The following WDR64 variants were observed in gnomAD, a reference collection of about 807,000 sequenced individuals.
WDR64 encodes WD repeat-containing protein 64.
In WDR64, 112 loss-of-function variants were observed where a neutral mutation model predicts 139.3. That is an observed-to-expected ratio of 0.80 (90% CI 0.69 to 0.94). The LOEUF (loss-of-function observed/expected upper bound fraction) is 0.94, where lower values mean the gene tolerates loss of function less well. WDR64 is among the 40% of genes least tolerant of loss of function. WDR64 has a pLI of 0.00. For missense variants in WDR64, 1,206 were observed against 1,293.1 expected, an observed-to-expected ratio of 0.93 and a Z score of 1.03; for synonymous variants, 444 against 437.7, an observed-to-expected ratio of 1.01 and a Z score of -0.18.
chr1:241,762,825 C>T (rs1198305991), intron 15 of WDR64, among the ~76,000 whole-genome samples: 2 of 149,742 alleles, frequency 1.3e-5, no homozygotes, highest in East Asian at 3.9e-4. Flanking sequence ...AATTTGGAAA[C>T]AATTATTTTG....
intron 15 of WDR64, among the ~76,000 whole-genome samples, chr1:241,764,615 T>C (rs1450024868): frequency 6.6e-6 from 1 of 151,500 alleles, no homozygotes; most frequent in Non-Finnish European, 1.5e-5. Context: ...GAGCTATGAT[T>C]GCACCACTGC....
chr1:241,732,036 T>C (rs994224134), intron 10 of WDR64, among the ~76,000 whole-genome samples: 17 of 152,174 alleles, frequency 1.1e-4, no homozygotes, highest in Non-Finnish European at 2.9e-5. Flanking sequence ...TCAGGCTCCT[T>C]AAGGTAAAAT....
intron 20 of WDR64, among the ~76,000 whole-genome samples, chr1:241,773,408 T>C (rs943758729): frequency 1.3e-5 from 2 of 152,212 alleles, no homozygotes; most frequent in Admixed American, 6.5e-5. Flanking sequence ...GAAGATTTAC[T>C]AGAAAAATCT....
At chr1:241,712,824 A>G (rs1356356406) in intron 9 of WDR64, among the ~76,000 whole-genome samples, 1 of 151,956 alleles carries the variant, frequency 6.6e-6, no homozygotes, top group Non-Finnish European at 1.5e-5. Context: ...CAGCTACTCA[A>G]GAGGCTGAGG....
rs7550445 is a variant in WDR64, at chr1:241,802,591, T to C, written c.*1376T>C. Among the ~76,000 whole-genome samples, 314 of 152,334 alleles carry C rather than the reference T, an allele frequency of 2.1e-3. 1 individual carries two copies. The highest frequency in any genetic ancestry group is 6.5e-3 in the African/African-American group (271 of 41,576). ...AATTGTAAACTAATATTCTCATTGA[T>C]ATGCATGCTAATAGGATTACTAGTG... On this transcript the variant is annotated 3_prime_UTR_variant, in exon 28 of 28. Coordinates refer to ENST00000437684, the MANE Select transcript of WDR64 (RefSeq NM_001367482.1).
intron 8 of WDR64, among the ~76,000 whole-genome samples, chr1:241,699,854 C>T (rs1438677926): frequency 6.6e-6 from 1 of 152,092 alleles, no homozygotes. Context: ...GACCTGCATA[C>T]CATGCTAAAG....
chr1:241,790,953 C>CGTATTCCTTAGCTTT (rs1659198884), intron 25 of WDR64, among the ~76,000 whole-genome samples: 2 of 152,006 alleles, frequency 1.3e-5, no homozygotes, highest in Non-Finnish European at 2.9e-5. Flanking sequence ...GAGAGAAGAC[C>CGTATTCCTTAGCTTT]GTATTCCTTA....
intron 8 of WDR64, among the ~76,000 whole-genome samples, chr1:241,710,836 G>A (rs145726031): frequency 0.011 from 1,726 of 152,312 alleles, 21 homozygotes; most frequent in Non-Finnish European, 0.019. Flanking sequence ...GAGCACCAGG[G>A]AGCCACAGGA....
chr1:241,687,994 C>G (rs1227536929), intron 8 of WDR64, among the ~76,000 whole-genome samples: 1 of 152,178 alleles, frequency 6.6e-6, no homozygotes, highest in Non-Finnish European at 1.5e-5. Context: ...GTGTAATATA[C>G]AAGTTGGCAT....
At chr1:241,672,517 C>G (rs1573993930) in intron 3 of WDR64, among the ~76,000 whole-genome samples, 2 of 152,180 alleles carry the variant, frequency 1.3e-5, no homozygotes, top group Admixed American at 6.5e-5. Context: ...AGGCCAGACA[C>G]CTTTCTAAAT....
At chr1:241,678,936 C>T (rs1666668549) in intron 5 of WDR64, among the ~76,000 whole-genome samples, 1 of 149,870 alleles carries the variant, frequency 6.7e-6, no homozygotes. Context: ...AGAGGCCATG[C>T]CTGAAATGCA....
chr1:241,736,271 A>G (rs566052672), intron 10 of WDR64, among the ~76,000 whole-genome samples: 3 of 152,248 alleles, frequency 2.0e-5, no homozygotes, highest in African/African-American at 7.2e-5. Context: ...AGGGAGATAT[A>G]TATCTTGCTT....
chr1:241,672,795 A>G (rs1477810613), intron 3 of WDR64, among the ~76,000 whole-genome samples: 1 of 152,034 alleles, frequency 6.6e-6, no homozygotes, highest in Non-Finnish European at 1.5e-5. Flanking sequence ...GATCTGTAGA[A>G]AGTGAGAGAG....
intron 8 of WDR64, among the ~76,000 whole-genome samples, chr1:241,692,966 T>C (rs925574813): frequency 1.3e-5 from 2 of 152,206 alleles, no homozygotes; most frequent in Admixed American, 1.3e-4. Context: ...CTGATGGGAA[T>C]GCAAAATGGT....
intron 9 of WDR64, among the ~76,000 whole-genome samples, chr1:241,721,747 C>G (rs1668619877): frequency 6.6e-6 from 1 of 151,980 alleles, no homozygotes; most frequent in African/African-American, 2.4e-5. Flanking sequence ...TAAAAATATT[C>G]TATGTTTTGT....
At chr1:241,728,698 G>A (rs1668951784) in intron 10 of WDR64, among the ~76,000 whole-genome samples, 1 of 152,132 alleles carries the variant, frequency 6.6e-6, no homozygotes, top group Admixed American at 6.5e-5. Flanking sequence ...ACTGACGAAT[G>A]TTGAAAAATG....
intron 8 of WDR64, among the ~76,000 whole-genome samples, chr1:241,708,780 T>A (rs1401912398): frequency 6.9e-6 from 1 of 144,886 alleles, no homozygotes; most frequent in African/African-American, 2.6e-5. Context: ...GCTCAAGCGA[T>A]CCTCCTACCT....
At chr1:241,780,338 G>T (rs2148314728) in intron 22 of WDR64, among the ~76,000 whole-genome samples, 1 of 152,242 alleles carries the variant, frequency 6.6e-6, no homozygotes, top group African/African-American at 2.4e-5. Context: ...TAGCAACCCA[G>T]AGTTAGAAAA....
Position 241,801,783 on chromosome 1 carries a change from C to G in WDR64, c.*568C>G, listed in dbSNP as rs1206413424. On this transcript the variant is annotated 3_prime_UTR_variant, in exon 28 of 28. Coordinates refer to ENST00000437684, the MANE Select transcript of WDR64 (RefSeq NM_001367482.1). ...GACTCCAGATAAATATAAAAGACGG[C>G]AAAGAAAGGAAGAAAAATGGGTCAT... The G allele has an allele frequency of 2.5e-6, 1 of 397,552 alleles. No homozygotes were observed. The highest frequency in any genetic ancestry group is 4.4e-5 in the Admixed American group (1 of 22,646). The allele number at this position is 397,552 out of a possible 1,614,324, so 24.6% of individuals were successfully genotyped here.
Sources: gnomAD v4.1 joint callset for allele counts (sites outside exome capture counted in the v4.1 genomes callset) on GRCh38, gnomAD v4.1.1 for gene constraint, MANE v1.5 for transcripts, NCBI Gene and HGNC (gene_info 2026-07-23, HGNC 2026-07-21) for gene names.